Variants in HIPK2 observed in about 807,000 individuals in gnomAD.
HIPK2 encodes the protein homeodomain-interacting protein kinase 2.
A neutral mutation model predicts 113.7 loss-of-function variants in HIPK2; 27 were observed. The ratio of observed to expected loss-of-function variants is 0.24; its 90% CI spans 0.17 to 0.33. The LOEUF is 0.33. Ranked by LOEUF, HIPK2 falls within the 10% of genes least tolerant of loss-of-function variation. HIPK2 has a pLI of 1.00. For synonymous variants in HIPK2, 631 were observed against 642.2 expected (o/e 0.98, Z 0.26); for missense variants, 1,257 against 1,588.0 (o/e 0.79, Z 3.54).
intron 2 of HIPK2, among the ~76,000 whole-genome samples, chr7:139,695,821 C>T (rs1794547801): frequency 6.6e-6 from 1 of 152,200 alleles, no homozygotes; most frequent in East Asian, 1.9e-4. Flanking sequence ...GAAATCCTGT[C>T]CCACAGCTTA....
At chr7:139,719,575 T>G (rs1232950341) in intron 1 of HIPK2, among the ~76,000 whole-genome samples, 1 of 152,216 alleles carries the variant, frequency 6.6e-6, no homozygotes, top group East Asian at 1.9e-4. Context: ...AGCCTCCTGC[T>G]ACAATGTCAA....
chr7:139,742,092 G>A (rs1796112499), intron 1 of HIPK2, among the ~76,000 whole-genome samples: 1 of 152,198 alleles, frequency 6.6e-6, no homozygotes, highest in South Asian at 2.1e-4. Context: ...TTTCCATTAG[G>A]AATGTAAATG....
chr7:139,691,808 A>T (rs1253270506), intron 2 of HIPK2, among the ~76,000 whole-genome samples: 2 of 152,258 alleles, frequency 1.3e-5, no homozygotes, highest in South Asian at 4.1e-4. Flanking sequence ...TCTGATGATT[A>T]AATGAAACTG....
At chr7:139,595,195 G>A (rs545653782) in intron 12 of HIPK2, among the ~76,000 whole-genome samples, 3 of 152,306 alleles carry the variant, frequency 2.0e-5, no homozygotes, top group African/African-American at 7.2e-5. Flanking sequence ...TGTGGCAAAG[G>A]GCCGGGCAAG....
At chr7:139,764,395 T>C (rs1341725554) in intron 1 of HIPK2, among the ~76,000 whole-genome samples, 1 of 152,208 alleles carries the variant, frequency 6.6e-6, no homozygotes, top group Non-Finnish European at 1.5e-5. Flanking sequence ...TGAGAATGGC[T>C]ACACCTGGGA....
intron 2 of HIPK2, among the ~76,000 whole-genome samples, chr7:139,658,968 A>G (rs2116532788): frequency 6.6e-6 from 1 of 152,252 alleles, no homozygotes; most frequent in South Asian, 2.1e-4. Context: ...ACTACAATGG[A>G]TGTCTTAAAG....
chr7:139,755,077 A>C (rs1292733536), intron 1 of HIPK2, among the ~76,000 whole-genome samples: 1 of 152,178 alleles, frequency 6.6e-6, no homozygotes, highest in East Asian at 1.9e-4. Context: ...GGTCAGTTTA[A>C]CTCAGCCAGG....
chr7:139,737,028 T>C (rs148221241), intron 1 of HIPK2, among the ~76,000 whole-genome samples: 125 of 152,324 alleles, frequency 8.2e-4, no homozygotes, highest in African/African-American at 2.9e-3. Context: ...CTTGTGGTCC[T>C]GACCTTGCCA....
chr7:139,600,454 A>T lies in HIPK2; in HGVS notation c.2398T>A (p.Ser800Thr), dbSNP rs1799382782. The T allele has an allele frequency of 1.4e-5, 23 of 1,613,702 alleles. No individual in the cohort carries two copies. Among genetic ancestry groups the T allele is most frequent in the Non-Finnish European group, 1.8e-5 (21 of 1,179,854 alleles). Residue 800 changes from serine (S) to threonine (T), a missense_variant, in exon 11 of 15, where the codon TCC becomes ACC. This residue lies in a region of HIPK2 where 862 missense variants were observed against 1,004.3 expected (regional missense o/e 0.86). Coordinates refer to ENST00000406875, the MANE Select transcript of HIPK2 (RefSeq NM_022740.5). ...VMRQQPTSTT[S>T]SRKSKQHQSS... ...TGGTGCTGCTTACTCTTCCGGGAGG[A>T]GGTGGTGCTGGTTGGCTGCTGCCGC...
intron 12 of HIPK2, among the ~76,000 whole-genome samples, chr7:139,591,562 C>T (rs1035617963): frequency 6.6e-6 from 1 of 152,184 alleles, no homozygotes; most frequent in African/African-American, 2.4e-5. Flanking sequence ...TGTAATGTGA[C>T]AGCAGCTGGG....
At chr7:139,644,052 A>C (rs181212626) in intron 2 of HIPK2, among the ~76,000 whole-genome samples, 13 of 152,324 alleles carry the variant, frequency 8.5e-5, no homozygotes, top group Non-Finnish European at 1.6e-4. Flanking sequence ...TGTGCTCAAC[A>C]AATGTTTGCA....
intron 1 of HIPK2, among the ~76,000 whole-genome samples, chr7:139,717,392 G>A (rs570494696): frequency 2.0e-5 from 3 of 152,232 alleles, no homozygotes; most frequent in South Asian, 2.1e-4. Flanking sequence ...CTGCTGTCAC[G>A]TACTTCGTTG....
At chr7:139,628,548 C>T (rs531641893) in intron 5 of HIPK2, among the ~76,000 whole-genome samples, 1 of 152,190 alleles carries the variant, frequency 6.6e-6, no homozygotes, top group East Asian at 1.9e-4. Context: ...ATTCTCCTGC[C>T]TCAGCCTCCC....
At chr7:139,578,298 G>A (rs981074223) in intron 13 of HIPK2, among the ~76,000 whole-genome samples, 8 of 152,200 alleles carry the variant, frequency 5.3e-5, no homozygotes, top group Non-Finnish European at 8.8e-5. Context: ...ATGAGCCACC[G>A]CGCCCAGCTG....
At chr7:139,599,581 A>G (rs1467525231) in intron 11 of HIPK2, among the ~76,000 whole-genome samples, 1 of 152,234 alleles carries the variant, frequency 6.6e-6, no homozygotes, top group Non-Finnish European at 1.5e-5. Context: ...TCTGCTGGTT[A>G]GTGTCTGGGA....
At chr7:139,588,684 G>C (rs943547512) in intron 12 of HIPK2, among the ~76,000 whole-genome samples, 1 of 152,174 alleles carries the variant, frequency 6.6e-6, no homozygotes, top group African/African-American at 2.4e-5. Context: ...GGCTGAGGAC[G>C]AGGAGGGAGC....
chr7:139,603,381 A>T (rs1275721205), intron 10 of HIPK2, among the ~76,000 whole-genome samples: 1 of 152,098 alleles, frequency 6.6e-6, no homozygotes, highest in East Asian at 1.9e-4. Flanking sequence ...GTACAAGGGT[A>T]TCTAGCCATA....
intron 5 of HIPK2, among the ~76,000 whole-genome samples, chr7:139,627,539 C>T (rs945873465): frequency 8.5e-5 from 13 of 152,222 alleles, no homozygotes; most frequent in African/African-American, 2.6e-4. Context: ...ATACTAGGAT[C>T]GACTTTAAAA....
At chr7:139,720,226 A>G (rs1795368750) in intron 1 of HIPK2, among the ~76,000 whole-genome samples, 1 of 152,174 alleles carries the variant, frequency 6.6e-6, no homozygotes, top group East Asian at 1.9e-4. Context: ...TTCTCTTTCC[A>G]GACCACTCTA....
Sources: allele counts gnomAD v4.1 joint callset (sites outside exome capture counted in the v4.1 genomes callset), GRCh38; gene constraint gnomAD v4.1.1; regional missense constraint gnomAD v4.1.1; transcripts MANE v1.5; gene names NCBI Gene and HGNC (gene_info 2026-07-23, HGNC 2026-07-21).